EXT2: variants seen among roughly 807,000 people sequenced by gnomAD.
EXT2 encodes exostosin glycosyltransferase 2.
In EXT2, 53 loss-of-function variants were observed where a neutral mutation model predicts 81.6. That is an observed-to-expected ratio of 0.65 (90% CI 0.52 to 0.82). EXT2 has a LOEUF of 0.82. Among genes scored for constraint, EXT2 ranks in the 40% least tolerant of loss-of-function variants. The pLI is 0.00. For synonymous variants in EXT2, 320 were observed against 340.0 expected (o/e 0.94, Z 0.65); for missense variants, 774 against 910.2 (o/e 0.85, Z 1.93).
chr11:44,197,740 GC>G (rs1441143000), intron 8 of EXT2, 88 bp from the exon 9 acceptor site: 3 of 1,373,146 alleles, frequency 2.2e-6, no homozygotes, highest in Non-Finnish European at 3.1e-6. Context: ...AAGCCACCAA[GC>G]CTGCCATGTT....
chr11:44,114,436 C>A, intron 4 of EXT2, 135 bp downstream of exon 4: 1 of 794,160 alleles, frequency 1.3e-6, no homozygotes, highest in South Asian at 1.4e-5. Flanking sequence ...AGGCACCCAT[C>A]TTTCCCACCT....
At chr11:44,111,982 GT>G (rs1447741372) in intron 3 of EXT2, among the ~76,000 whole-genome samples, 10 of 152,246 alleles carry the variant, frequency 6.6e-5, no homozygotes, top group African/African-American at 2.4e-4. Context: ...CACAAATATT[GT>G]TTTACAGTTT....
At chr11:44,172,147 C>T (rs745452695) in intron 8 of EXT2, among the ~76,000 whole-genome samples, 13 of 152,162 alleles carry the variant, frequency 8.5e-5, no homozygotes, top group Non-Finnish European at 1.9e-4. Flanking sequence ...AAGTGCTTTA[C>T]GTGTATTACC....
chr11:44,232,358 G>A lies in EXT2; in HGVS notation c.1668G>A (p.Trp556Ter). 6.2e-7 allele frequency: 1 copy of A among 1,613,910 alleles called. No individual in the cohort carries two copies. Among genetic ancestry groups the A allele is most frequent in the Non-Finnish European group, 8.5e-7 (1 of 1,179,926 alleles). ...TATTATGTGTCTGTCCTTAGGTCTG[G>A]CGGGAATTTCCTGACCGGTTGGTGG... ...SDELQFGYEVWREFPDRLVGY... is the reference protein window; with the variant it reads ...SDELQFGYEV The change falls in exon 11 of 14, where the codon TGG becomes TGA. Residue 556 changes from tryptophan (W) to a stop codon, truncating the protein, a stop_gained. Transcript: ENST00000533608. LOFTEE classifies it high-confidence loss of function.
chr11:44,127,101 C>A, intron 6 of EXT2, 146 bp downstream of exon 6: 2 of 1,140,848 alleles, frequency 1.8e-6, no homozygotes, highest in Non-Finnish European at 2.6e-6. Context: ...AGTTAGTACA[C>A]TGGTCTAGAG....
At chr11:44,109,348 T>C (rs1260540689) in intron 3 of EXT2, 65 bp downstream of exon 3, 6 of 1,336,304 alleles carry the variant, frequency 4.5e-6, no homozygotes, top group Middle Eastern at 1.8e-4. Flanking sequence ...TGTGAAATTA[T>C]ATTCCTAAAT....
chr11:44,221,219 A>G (rs1955778462), intron 10 of EXT2, among the ~76,000 whole-genome samples: 1 of 152,120 alleles, frequency 6.6e-6, no homozygotes, highest in African/African-American at 2.4e-5. Context: ...GTATGTGCCA[A>G]GCAGCCCTAG....
intron 10 of EXT2, among the ~76,000 whole-genome samples, chr11:44,212,263 C>T (rs920072187): frequency 4.1e-4 from 62 of 149,430 alleles, no homozygotes; most frequent in African/African-American, 1.4e-3. Flanking sequence ...ACAGCCCGGG[C>T]GACAGTGAGA....
intron 7 of EXT2, among the ~76,000 whole-genome samples, chr11:44,145,887 T>C (rs1398589113): frequency 1.3e-5 from 2 of 152,256 alleles, no homozygotes; most frequent in Non-Finnish European, 2.9e-5. Flanking sequence ...ATGGTTCTTG[T>C]TCTCAAGTGG....
In EXT2 at chr11:44,232,354, T is replaced by C. The variant is rs746782566; in HGVS notation, c.1664T>C (p.Val555Ala). ...TTGTTATTATGTGTCTGTCCTTAGG[T>C]CTGGCGGGAATTTCCTGACCGGTTG... is the stretch of plus-strand genomic sequence containing the variant. ...TSDELQFGYE[V>A]WREFPDRLVG... Residue 555 changes from valine (V) to alanine (A), a missense_variant and splice_region_variant, in exon 11 of 14, where the codon GTC becomes GCC. By Grantham distance (64) the Val-to-Ala change is moderately conservative. Coordinates refer to ENST00000533608, the MANE Select transcript of EXT2 (RefSeq NM_207122.2). 1 of 1,613,926 alleles carries C rather than the reference T, an allele frequency of 6.2e-7. No homozygotes were observed. The highest frequency in any genetic ancestry group is 8.5e-7 in the Non-Finnish European group (1 of 1,179,924).
In EXT2 at chr11:44,248,481, C is replaced by G. The variant is rs1360907435; in HGVS notation, c.*4194C>G. On this transcript the variant is annotated 3_prime_UTR_variant, in exon 14 of 14. Transcript: ENST00000533608. The stretch of plus-strand genomic sequence containing the variant: ...GTCCTCGGCCTGTGTTTGGTACTCA[C>G]CCACTTTCTACTTCTGAGTAGAATC... 6.6e-6 allele frequency among the ~76,000 whole-genome samples: 1 copy of G among 152,248 alleles called. No homozygotes were observed. The highest frequency in any genetic ancestry group is 1.5e-5 in the Non-Finnish European group (1 of 68,044).
rs2135295833 is a variant in EXT2, at chr11:44,251,183, G to T, written c.*6896G>T. Among the ~76,000 whole-genome samples the T allele has an allele frequency of 2.7e-5, 1 of 36,852 alleles. No individual in the cohort carries two copies. The highest frequency in any genetic ancestry group is 7.0e-5 in the African/African-American group (1 of 14,328). The allele number at this position is 36,852 out of a possible 152,430, so 24.2% of individuals were successfully genotyped here. On this transcript the variant is annotated 3_prime_UTR_variant, in exon 14 of 14. Transcript: ENST00000533608. ...TTGTCTAATGCATGGAGAATTCAAG[G>T]ATTTTTTTTTTCTCTTTTCATAGCA...
At chr11:44,139,489 T>C (rs1954615959) in intron 7 of EXT2, among the ~76,000 whole-genome samples, 1 of 152,126 alleles carries the variant, frequency 6.6e-6, no homozygotes, top group South Asian at 2.1e-4. Context: ...CTTTTAGAAA[T>C]AGCTGTTCAC....
intron 7 of EXT2, among the ~76,000 whole-genome samples, chr11:44,145,188 C>T (rs1288284537): frequency 6.6e-6 from 1 of 152,094 alleles, no homozygotes; most frequent in Non-Finnish European, 1.5e-5. Context: ...ATCCAGGGAG[C>T]TGTCGATATT....
chr11:44,244,065 T>C lies in EXT2; in HGVS notation c.2019-84T>C, dbSNP rs75740761. On this transcript the variant is annotated intron_variant, in intron 13 of 13. Transcript: ENST00000533608. The stretch of plus-strand genomic sequence containing the variant: ...ATTTTGCTGTTATCTCTCAACCTCT[T>C]GAACATACTATCTTTTCTCCCTGCC... 1.4e-3 allele frequency: 1,804 copies of C among 1,279,816 alleles called. 39 individuals carry two copies. The African/African-American group carries it at 0.023, about 16-fold the overall frequency. 79.3% of individuals were successfully genotyped at this position (1,279,816 alleles called of 1,614,324 possible). A position where few individuals can be genotyped will look rare whatever the true frequency, so the allele number is the denominator to read the frequency against.
At chr11:44,144,214 A>G (rs563441969) in intron 7 of EXT2, 1 of 1,567,418 alleles carries the variant, frequency 6.4e-7, no homozygotes, top group East Asian at 2.2e-5. Context: ...TTGATGACAC[A>G]TCTTGATTAA....
intron 8 of EXT2, among the ~76,000 whole-genome samples, chr11:44,196,585 T>G (rs759940610): frequency 1.3e-5 from 2 of 152,176 alleles, no homozygotes; most frequent in South Asian, 4.1e-4. Flanking sequence ...CTGACCTTTT[T>G]TCCCCCGACT....
At chr11:44,186,991 TTCCTTCCTTCC>T in intron 8 of EXT2, among the ~76,000 whole-genome samples, 1 of 67,374 alleles carries the variant, frequency 1.5e-5, no homozygotes, top group Non-Finnish European at 3.1e-5. Flanking sequence ...ATTTCCTTCC[TTCCTTCCTTCC>T]TTCCTTCCTT....
intron 7 of EXT2, among the ~76,000 whole-genome samples, chr11:44,149,294 G>T (rs897148164): frequency 1.3e-5 from 2 of 152,180 alleles, no homozygotes; most frequent in African/African-American, 4.8e-5. Context: ...CCTGGGAGAT[G>T]TAGGCTGTAG....
Sources: gnomAD v4.1 joint callset for allele counts (sites outside exome capture counted in the v4.1 genomes callset) on GRCh38, gnomAD v4.1.1 for gene constraint, MANE v1.5 for transcripts, NCBI Gene and HGNC (gene_info 2026-07-23, HGNC 2026-07-21) for gene names.